Variants in STXBP5L observed in about 807,000 individuals in gnomAD.
The protein encoded by STXBP5L is syntaxin-binding protein 5-like.
In STXBP5L, 65 loss-of-function variants were observed where a neutral mutation model predicts 144.5. The observed-to-expected ratio is 0.45, with a 90% CI of 0.37 to 0.55. The LOEUF is 0.55. STXBP5L is among the 20% of genes least tolerant of loss of function. The probability of loss-of-function intolerance (pLI) is 0.00; values close to 1 mark genes in which losing one functional copy is unlikely to be tolerated. For missense variants in STXBP5L, 1,298 were observed against 1,405.5 expected (o/e 0.92, Z 1.22); for synonymous variants, 505 against 469.6 (o/e 1.08, Z -0.97).
chr3:120,965,370 A>T (rs1434745619), intron 3 of STXBP5L, among the ~76,000 whole-genome samples: 1 of 152,102 alleles, frequency 6.6e-6, no homozygotes, highest in Non-Finnish European at 1.5e-5. Flanking sequence ...TCTTCATAGC[A>T]TCGATGGTCT....
chr3:120,941,657 A>G (rs1710572434), intron 2 of STXBP5L, among the ~76,000 whole-genome samples: 1 of 151,814 alleles, frequency 6.6e-6, no homozygotes, highest in Non-Finnish European at 1.5e-5. Context: ...TTAAAATATG[A>G]CATAACAGTT....
At chr3:121,022,933 G>T (rs545491659) in intron 3 of STXBP5L, among the ~76,000 whole-genome samples, 84 of 152,082 alleles carry the variant, frequency 5.5e-4, no homozygotes, top group Middle Eastern at 3.4e-3. Context: ...AAGAAAGAAA[G>T]GGCATCCAAA....
intron 5 of STXBP5L, among the ~76,000 whole-genome samples, chr3:121,101,782 G>A (rs1217258675): frequency 1.3e-5 from 2 of 152,004 alleles, no homozygotes; most frequent in Non-Finnish European, 2.9e-5. Flanking sequence ...AGGAAAAGAA[G>A]AAGAAAAACT....
At chr3:121,192,814 A>C (rs1577172968) in intron 9 of STXBP5L, among the ~76,000 whole-genome samples, 1 of 152,334 alleles carries the variant, frequency 6.6e-6, no homozygotes, top group East Asian at 1.9e-4. Context: ...TTTATACAAA[A>C]ATTAATTCAA....
At chr3:121,020,850 G>GA (rs60522434) in intron 3 of STXBP5L, among the ~76,000 whole-genome samples, 37,391 of 143,044 alleles carry the variant, frequency 0.26, 4,875 homozygotes, top group Admixed American at 0.36. Flanking sequence ...ACAATACAAT[G>GA]AAAAAAAAAA....
intron 5 of STXBP5L, among the ~76,000 whole-genome samples, chr3:121,092,164 G>C (rs900945976): frequency 3.9e-5 from 6 of 152,052 alleles, no homozygotes; most frequent in South Asian, 2.1e-4. Flanking sequence ...TGCTGTTTTG[G>C]TTACTGTAGC....
At chr3:120,988,858 T>A (rs923648258) in intron 3 of STXBP5L, among the ~76,000 whole-genome samples, 2 of 152,098 alleles carry the variant, frequency 1.3e-5, no homozygotes, top group Non-Finnish European at 2.9e-5. Flanking sequence ...ATTATTTCAC[T>A]CTCTATGTTT....
At chr3:121,045,013 G>A (rs1560048677) in intron 4 of STXBP5L, among the ~76,000 whole-genome samples, 1 of 151,980 alleles carries the variant, frequency 6.6e-6, no homozygotes, top group East Asian at 1.9e-4. Flanking sequence ...TCTTGCAAAG[G>A]AGAATTTTTA....
At chr3:121,191,651 C>T (rs563046641) in intron 9 of STXBP5L, among the ~76,000 whole-genome samples, 1 of 152,200 alleles carries the variant, frequency 6.6e-6, no homozygotes, top group South Asian at 2.1e-4. Flanking sequence ...TTGATTCTTC[C>T]TATCCGTGAG....
intron 22 of STXBP5L, among the ~76,000 whole-genome samples, chr3:121,398,068 G>A (rs1049033666): frequency 4.1e-4 from 63 of 152,154 alleles, no homozygotes; most frequent in Non-Finnish European, 5.7e-4. Context: ...CCTCCTGTTC[G>A]TTTAATTTTA....
intron 9 of STXBP5L, among the ~76,000 whole-genome samples, chr3:121,173,445 G>T (rs566405553): frequency 6.6e-6 from 1 of 151,748 alleles, no homozygotes; most frequent in Non-Finnish European, 1.5e-5. Context: ...AGAGAACTCA[G>T]GTTGTAGGGC....
chr3:121,010,824 G>A lies in STXBP5L; in HGVS notation c.288-30876G>A, dbSNP rs1018335837. ...ATTTAGTGGAAGTAGATTGTCATAAGGGTCTTCATCCTTGTTATCTTTACT... is the reference window on the plus strand; with the variant it reads ...ATTTAGTGGAAGTAGATTGTCATAAAGGTCTTCATCCTTGTTATCTTTACT... On this transcript the variant is annotated intron_variant, in intron 3 of 26. Transcript: ENST00000471454. Among the ~76,000 whole-genome samples the A allele has an allele frequency of 5.3e-5, 8 of 151,740 alleles. No homozygotes were observed. The Admixed American group carries it at 5.3e-4, about 10-fold the overall frequency.
intron 3 of STXBP5L, among the ~76,000 whole-genome samples, chr3:121,003,836 C>T (rs1944006108): frequency 6.6e-6 from 1 of 152,092 alleles, no homozygotes; most frequent in Non-Finnish European, 1.5e-5. Context: ...TTGTTTTTGT[C>T]AGGTTTGTCA....
At chr3:120,959,681 G>A (rs1390400854) in intron 3 of STXBP5L, among the ~76,000 whole-genome samples, 7 of 151,738 alleles carry the variant, frequency 4.6e-5, no homozygotes, top group Non-Finnish European at 1.0e-4. Flanking sequence ...AATGATGCTG[G>A]TGGGAAAACT....
At chr3:121,185,844 G>A (rs570190002) in intron 9 of STXBP5L, among the ~76,000 whole-genome samples, 19 of 152,294 alleles carry the variant, frequency 1.2e-4, no homozygotes, top group African/African-American at 4.1e-4. Flanking sequence ...AAAGTCATTG[G>A]TAGCTTGATG....
At chr3:120,999,163 G>A (rs1480230685) in intron 3 of STXBP5L, among the ~76,000 whole-genome samples, 1 of 151,960 alleles carries the variant, frequency 6.6e-6, no homozygotes, top group Non-Finnish European at 1.5e-5. Context: ...AGTGATTCTT[G>A]TGGCTCAGCC....
intron 21 of STXBP5L, 138 bp downstream of exon 21, chr3:121,379,024 G>T (rs1376233186): frequency 2.5e-5 from 23 of 918,828 alleles, no homozygotes; most frequent in Non-Finnish European, 3.5e-5. Flanking sequence ...AGAGCCTGAT[G>T]GGGCTGTGGC....
chr3:121,203,148 T>C (rs2108220764), intron 9 of STXBP5L, among the ~76,000 whole-genome samples: 1 of 152,196 alleles, frequency 6.6e-6, no homozygotes, highest in Non-Finnish European at 1.5e-5. Flanking sequence ...AATTGCTCTA[T>C]TAAATGAAGA....
At chr3:121,110,227 G>A (rs753042117) in intron 5 of STXBP5L, among the ~76,000 whole-genome samples, 2 of 152,180 alleles carry the variant, frequency 1.3e-5, no homozygotes, top group Non-Finnish European at 2.9e-5. Context: ...ATATTGTTAT[G>A]TGTGAATTTG....
Sources: gnomAD v4.1 joint callset for allele counts (sites outside exome capture counted in the v4.1 genomes callset) on GRCh38, gnomAD v4.1.1 for gene constraint, MANE v1.5 for transcripts, NCBI Gene and HGNC (gene_info 2026-07-23, HGNC 2026-07-21) for gene names.